ROCK2: variants seen among roughly 807,000 people sequenced by gnomAD.
ROCK2 encodes the protein rho-associated protein kinase 2.
Under a neutral mutation model 195.1 loss-of-function variants are expected in ROCK2, and 61 were observed. The observed-to-expected ratio is 0.31, with a 90% CI of 0.25 to 0.39. The LOEUF is 0.39. Among genes scored for constraint, ROCK2 ranks in the 10% least tolerant of loss-of-function variants. The pLI is 1.00. For synonymous variants in ROCK2, 504 were observed against 545.5 expected (o/e 0.92, Z 1.06); for missense variants, 1,109 against 1,637.4 (o/e 0.68, Z 5.57).
chr2:11,341,908 G>T (rs55841255), intron 1 of ROCK2, among the ~76,000 whole-genome samples: 6,461 of 152,102 alleles, frequency 0.042, 278 homozygotes, highest in Non-Finnish European at 0.06. Context: ...TCCAGAGACG[G>T]ATAGTGGTGA....
At chr2:11,194,403 G>A (rs917693135) in intron 28 of ROCK2, 59 bp from the exon 29 acceptor site, 18 of 608,372 alleles carry the variant, frequency 3.0e-5, no homozygotes, top group Non-Finnish European at 4.6e-5. Context: ...CTTATTTATT[G>A]ATTTTTTTGA....
At chr2:11,265,256 A>G (rs1266316451) in intron 3 of ROCK2, among the ~76,000 whole-genome samples, 4 of 152,140 alleles carry the variant, frequency 2.6e-5, no homozygotes, top group African/African-American at 7.2e-5. Context: ...AGACTTAAAT[A>G]TATTACATTT....
intron 30 of ROCK2, 29 bp downstream of exon 30, chr2:11,193,750 C>A (rs1384586537): frequency 1.4e-6 from 2 of 1,382,324 alleles, no homozygotes; most frequent in South Asian, 2.6e-5. Context: ...CAAAGCCAAC[C>A]AACCAAATAT....
chr2:11,238,686 C>A (rs1665314391), intron 4 of ROCK2, among the ~76,000 whole-genome samples: 1 of 152,012 alleles, frequency 6.6e-6, no homozygotes, highest in South Asian at 2.1e-4. Context: ...TGTCTCTATA[C>A]AAATATTAAA....
At chr2:11,339,888 T>C (rs1268124515) in intron 1 of ROCK2, among the ~76,000 whole-genome samples, 5 of 152,212 alleles carry the variant, frequency 3.3e-5, no homozygotes, top group Admixed American at 6.5e-5. Context: ...TACAGGCTAG[T>C]GTTCCACTTA....
intron 13 of ROCK2, 41 bp from the exon 14 acceptor site, chr2:11,215,686 A>G (rs187702743): frequency 6.6e-7 from 1 of 1,524,554 alleles, no homozygotes; most frequent in African/African-American, 1.4e-5. Context: ...AAGTATGTAT[A>G]AAAATGAAAT....
At chr2:11,246,144 G>A (rs754346685) in intron 4 of ROCK2, among the ~76,000 whole-genome samples, 3 of 152,068 alleles carry the variant, frequency 2.0e-5, no homozygotes, top group Admixed American at 6.5e-5. Flanking sequence ...TCTTATAGGT[G>A]GCCTATGAAC....
intron 3 of ROCK2, among the ~76,000 whole-genome samples, chr2:11,271,595 G>A (rs903213042): frequency 2.0e-5 from 3 of 152,162 alleles, no homozygotes; most frequent in Non-Finnish European, 4.4e-5. Context: ...TTGTTGTTAG[G>A]ATGGATGGTG....
At chr2:11,302,112 T>G (rs1420006259) in intron 1 of ROCK2, among the ~76,000 whole-genome samples, 1 of 152,120 alleles carries the variant, frequency 6.6e-6, no homozygotes, top group Non-Finnish European at 1.5e-5. Flanking sequence ...GGCCAGCAAC[T>G]ATGGTTTAAA....
intron 3 of ROCK2, among the ~76,000 whole-genome samples, chr2:11,285,759 C>G (rs1667166396): frequency 1.3e-5 from 2 of 151,920 alleles, no homozygotes; most frequent in Admixed American, 6.6e-5. Context: ...CTTGAGAAGT[C>G]AAGACTGCAG....
chr2:11,254,216 T>C (rs1286895034), intron 3 of ROCK2, among the ~76,000 whole-genome samples: 2 of 152,182 alleles, frequency 1.3e-5, no homozygotes, highest in African/African-American at 4.8e-5. Context: ...AAGGCAACCG[T>C]ATTCAGGTTT....
At chr2:11,207,193 G>A (rs1039159473) in intron 20 of ROCK2, among the ~76,000 whole-genome samples, 3 of 152,156 alleles carry the variant, frequency 2.0e-5, no homozygotes, top group African/African-American at 7.2e-5. Context: ...CACCTCAAGT[G>A]ATTCTCCTGC....
At chr2:11,336,785 C>T (rs981737635) in intron 1 of ROCK2, among the ~76,000 whole-genome samples, 1 of 152,182 alleles carries the variant, frequency 6.6e-6, no homozygotes, top group African/African-American at 2.4e-5. Flanking sequence ...CAACCCCTAA[C>T]TCACACCACA....
intron 6 of ROCK2, among the ~76,000 whole-genome samples, chr2:11,225,859 G>A (rs1366015258): frequency 6.6e-6 from 1 of 152,024 alleles, no homozygotes; most frequent in African/African-American, 2.4e-5. Flanking sequence ...AAATAAAGTA[G>A]GTCATACTAT....
intron 1 of ROCK2, among the ~76,000 whole-genome samples, chr2:11,329,648 A>G (rs1019301521): frequency 6.6e-6 from 1 of 151,984 alleles, no homozygotes; most frequent in Non-Finnish European, 1.5e-5. Flanking sequence ...AATGGAAAAC[A>G]ATCTGTTTTC....
At chr2:11,222,611 T>C (rs1664674028) in intron 7 of ROCK2, among the ~76,000 whole-genome samples, 1 of 152,180 alleles carries the variant, frequency 6.6e-6, no homozygotes. Context: ...AATGCATATA[T>C]TATGTTTGAA....
At chr2:11,202,249 C>A in intron 20 of ROCK2, 128 bp from the exon 21 acceptor site, 1 of 764,590 alleles carries the variant, frequency 1.3e-6, no homozygotes, top group South Asian at 1.4e-5. Context: ...AAGGTCAAAT[C>A]ATTTTCATAA....
intron 7 of ROCK2, among the ~76,000 whole-genome samples, chr2:11,223,523 GGAATCTTA>G (rs1384568633): frequency 1.3e-5 from 2 of 152,114 alleles, no homozygotes; most frequent in Non-Finnish European, 2.9e-5. Context: ...GATGTGCTAA[GGAATCTTA>G]GCATATTAAA....
chr2:11,238,704 C>A (rs1426742217), intron 4 of ROCK2, among the ~76,000 whole-genome samples: 1 of 151,866 alleles, frequency 6.6e-6, no homozygotes, highest in Non-Finnish European at 1.5e-5. Context: ...AAAAATTAGC[C>A]AGGAATGGTC....
Sources: gnomAD v4.1 joint callset for allele counts (sites outside exome capture counted in the v4.1 genomes callset) on GRCh38, gnomAD v4.1.1 for gene constraint, MANE v1.5 for transcripts, NCBI Gene and HGNC (gene_info 2026-07-23, HGNC 2026-07-21) for gene names.